The following ZRANB3 variants were observed in gnomAD, a reference collection of about 807,000 sequenced individuals.
ZRANB3 encodes the protein DNA annealing helicase and endonuclease ZRANB3.
Under a neutral mutation model 133.8 loss-of-function variants are expected in ZRANB3, and 125 were observed. The ratio of observed to expected loss-of-function variants is 0.93; its 90% CI spans 0.81 to 1.08. The LOEUF (loss-of-function observed/expected upper bound fraction) is 1.08. Among genes scored for constraint, ZRANB3 ranks in the 50% least tolerant of loss-of-function variants. The pLI is 0.00. For synonymous variants in ZRANB3, 387 were observed against 432.7 expected, an observed-to-expected ratio of 0.89 and a Z score of 1.31; for missense variants, 1,229 against 1,275.5, an observed-to-expected ratio of 0.96 and a Z score of 0.56.
chr2:135,209,617 A>C (rs947057502), intron 17 of ZRANB3, among the ~76,000 whole-genome samples: 2 of 152,202 alleles, frequency 1.3e-5, no homozygotes, highest in African/African-American at 4.8e-5. Context: ...ATGTTCAGGG[A>C]CTAGAAGTAA....
chr2:135,246,515 A>G (rs1275886613), intron 12 of ZRANB3, among the ~76,000 whole-genome samples: 2 of 152,218 alleles, frequency 1.3e-5, no homozygotes, highest in Non-Finnish European at 2.9e-5. Context: ...AAAAAAATGC[A>G]TATTTTCCAA....
chr2:135,341,238 C>T (rs762239290), intron 6 of ZRANB3, among the ~76,000 whole-genome samples: 2 of 149,808 alleles, frequency 1.3e-5, no homozygotes, highest in Non-Finnish European at 2.9e-5. Context: ...TCATGTTAGC[C>T]AGGATGGTCT....
At chr2:135,430,521 T>C (rs1689274772) in intron 2 of ZRANB3, among the ~76,000 whole-genome samples, 1 of 152,028 alleles carries the variant, frequency 6.6e-6, no homozygotes, top group African/African-American at 2.4e-5. Context: ...TAAACATTTG[T>C]TCAAATAGAT....
intron 12 of ZRANB3, among the ~76,000 whole-genome samples, chr2:135,257,721 A>C (rs1679730598): frequency 6.6e-6 from 1 of 152,188 alleles, no homozygotes; most frequent in Non-Finnish European, 1.5e-5. Flanking sequence ...TATGTGGCTC[A>C]CATCCCAGAA....
chr2:135,342,953 T>A (rs1176249825), intron 6 of ZRANB3, among the ~76,000 whole-genome samples: 4 of 131,246 alleles, frequency 3.0e-5, no homozygotes, highest in Non-Finnish European at 6.1e-5. Context: ...TCACCTGAGG[T>A]CAGGAATTCA....
intron 6 of ZRANB3, among the ~76,000 whole-genome samples, chr2:135,335,479 G>C (rs961481136): frequency 6.6e-6 from 1 of 152,046 alleles, no homozygotes; most frequent in African/African-American, 2.4e-5. Context: ...GATGGCTTGA[G>C]GTCTGGAGTT....
chr2:135,380,253 G>T (rs1165595375), intron 3 of ZRANB3, among the ~76,000 whole-genome samples: 1 of 152,112 alleles, frequency 6.6e-6, no homozygotes, highest in African/African-American at 2.4e-5. Context: ...AGACAGATCA[G>T]CAAGACAGAA....
chr2:135,410,417 A>T lies in ZRANB3; in HGVS notation c.162-19597T>A, dbSNP rs145597823. 7.2e-5 allele frequency among the ~76,000 whole-genome samples: 11 copies of T among 152,322 alleles called. No homozygotes were observed. The East Asian group carries it at 2.1e-3, about 29-fold the overall frequency. On this transcript the variant is annotated intron_variant, in intron 2 of 20. Transcript: ENST00000264159. The stretch of plus-strand genomic sequence containing the variant: ...TCTATATTCAATAAATGGTACTGGG[A>T]TAACTGTCTAGCCATATGCAGAAGA...
chr2:135,454,536 C>G (rs561633831), intron 2 of ZRANB3, among the ~76,000 whole-genome samples: 1 of 151,984 alleles, frequency 6.6e-6, no homozygotes, highest in Non-Finnish European at 1.5e-5. Context: ...CTACTATACA[C>G]CCAAATAGTG....
intron 3 of ZRANB3, among the ~76,000 whole-genome samples, chr2:135,385,944 T>C (rs1052804605): frequency 2.0e-5 from 3 of 152,136 alleles, no homozygotes; most frequent in African/African-American, 7.2e-5. Context: ...AAGGACTTCA[T>C]GACTAAAACA....
chr2:135,413,304 T>A (rs1185799224), intron 2 of ZRANB3, among the ~76,000 whole-genome samples: 2 of 152,170 alleles, frequency 1.3e-5, no homozygotes, highest in African/African-American at 4.8e-5. Context: ...TCTTACGTGT[T>A]ATGTGGTCTC....
chr2:135,371,660 A>C (rs1686186180), intron 3 of ZRANB3, among the ~76,000 whole-genome samples: 1 of 152,222 alleles, frequency 6.6e-6, no homozygotes, highest in South Asian at 2.1e-4. Flanking sequence ...ATAAATTTTT[A>C]GGCTGAGAAA....
At chr2:135,268,194 C>T (rs1680337845) in intron 11 of ZRANB3, among the ~76,000 whole-genome samples, 1 of 151,794 alleles carries the variant, frequency 6.6e-6, no homozygotes, top group African/African-American at 2.4e-5. Flanking sequence ...CTTGCTCTGT[C>T]ACCCAGGCTG....
intron 12 of ZRANB3, among the ~76,000 whole-genome samples, chr2:135,240,574 T>A (rs999617646): frequency 2.0e-5 from 3 of 152,196 alleles, no homozygotes; most frequent in African/African-American, 7.2e-5. Flanking sequence ...GGGCATACGA[T>A]TCTCCTTGAA....
chr2:135,418,030 C>T (rs1375210142), intron 2 of ZRANB3, among the ~76,000 whole-genome samples: 1 of 152,052 alleles, frequency 6.6e-6, no homozygotes, highest in Non-Finnish European at 1.5e-5. Context: ...TTAATGTGTG[C>T]AGCATAGCAG....
Position 135,291,420 on chromosome 2 carries a change from T to A in ZRANB3, c.967-15665A>T, listed in dbSNP as rs190071824. ...CTGGTCTTGAACTCCTGACCTCAAGTGATCCAGCCCCCTCGGCCTCCCAAA... is the reference window on the plus strand; with the variant it reads ...CTGGTCTTGAACTCCTGACCTCAAGAGATCCAGCCCCCTCGGCCTCCCAAA... On this transcript the variant is annotated intron_variant, in intron 8 of 20. Coordinates refer to ENST00000264159, the MANE Select transcript of ZRANB3 (RefSeq NM_032143.4). Among the ~76,000 whole-genome samples the A allele has an allele frequency of 4.6e-5, 7 of 152,136 alleles. No homozygotes were observed. The East Asian group carries it at 1.4e-3, about 29-fold the overall frequency.
intron 4 of ZRANB3, among the ~76,000 whole-genome samples, chr2:135,352,292 A>G (rs1446507089): frequency 6.6e-6 from 1 of 151,836 alleles, no homozygotes; most frequent in East Asian, 1.9e-4. Context: ...ACATGGTGCC[A>G]CTGCATTCCA....
At chr2:135,404,159 A>AAAGGAGGAAGT (rs1687887884) in intron 2 of ZRANB3, among the ~76,000 whole-genome samples, 1 of 152,204 alleles carries the variant, frequency 6.6e-6, no homozygotes, top group South Asian at 2.1e-4. Flanking sequence ...ACTCTGAGGT[A>AAAGGAGGAAGT]AAGGAGGAAG....
intron 15 of ZRANB3, among the ~76,000 whole-genome samples, chr2:135,220,992 G>C (rs1694530185): frequency 6.6e-6 from 1 of 151,778 alleles, no homozygotes; most frequent in Admixed American, 6.6e-5. Context: ...AAGTAGCTGG[G>C]ATTACTGGTG....
Sources: allele counts gnomAD v4.1 joint callset (sites outside exome capture counted in the v4.1 genomes callset), GRCh38; gene constraint gnomAD v4.1.1; transcripts MANE v1.5; gene names NCBI Gene and HGNC (gene_info 2026-07-23, HGNC 2026-07-21).